Variants in BPIFC observed in about 807,000 individuals in gnomAD.
BPIFC encodes the protein BPI fold-containing family C protein.
Under a neutral mutation model 57.6 loss-of-function variants are expected in BPIFC, and 60 were observed. That is an observed-to-expected ratio of 1.04 (90% CI 0.85 to 1.29). The LOEUF is 1.29. Among genes scored for constraint, BPIFC ranks in the 50% most tolerant of loss-of-function variants. The pLI, the probability that BPIFC is intolerant of heterozygous loss-of-function variation, is 0.00. For synonymous variants in BPIFC, 243 were observed against 224.5 expected (o/e 1.08, Z -0.74); for missense variants, 581 against 600.5 (o/e 0.97, Z 0.34).
In BPIFC at chr22:32,414,067, A is replaced by C; in HGVS notation, c.*236T>G. 1 of 317,190 alleles carries C rather than the reference A, an allele frequency of 3.2e-6. No individual in the cohort carries two copies. The highest frequency in any genetic ancestry group is 5.6e-6 in the Non-Finnish European group (1 of 177,200). The allele number at this position is 317,190 out of a possible 1,614,324, so 19.6% of individuals were successfully genotyped here. On this transcript the variant is annotated 3_prime_UTR_variant, in exon 17 of 17. Transcript: ENST00000300399. ...TCTTTCTTGCCCCAAACAAACAAAC[A>C]AACATAAACACAGACACACGCAGCA...
At position 32,417,162 on chromosome 22, in the gene BPIFC, G is replaced by T; in HGVS notation, c.1261-14C>A. ...AAACCTCAAGACCTAAAATAAAAGAGGAAATAGAATCAATTGGCAGATCGG... is the reference window on the plus strand; with the variant it reads ...AAACCTCAAGACCTAAAATAAAAGATGAAATAGAATCAATTGGCAGATCGG... On this transcript the variant is annotated splice_polypyrimidine_tract_variant and intron_variant, in intron 14 of 16. Coordinates refer to ENST00000300399, the MANE Select transcript of BPIFC (RefSeq NM_174932.3). 1 of 1,555,730 alleles carries T rather than the reference G, an allele frequency of 6.4e-7. No homozygotes were observed. Among genetic ancestry groups the T allele is most frequent in the South Asian group, 1.1e-5 (1 of 88,890 alleles).
In BPIFC at chr22:32,446,917, T is replaced by C. The variant is rs114162676; in HGVS notation, c.374+295A>G. Reference sequence around the variant, plus strand: ...AGATCATGCAGTGATTTGTGGGTGATCGAAAATGTTGAGCATGCATCTGTT... The same window carrying C: ...AGATCATGCAGTGATTTGTGGGTGACCGAAAATGTTGAGCATGCATCTGTT... On this transcript the variant is annotated intron_variant, in intron 5 of 16. Coordinates refer to ENST00000300399, the MANE Select transcript of BPIFC (RefSeq NM_174932.3). 303 of 610,318 alleles carry C rather than the reference T, an allele frequency of 5.0e-4. No individual in the cohort carries two copies. The African/African-American group carries it at 5.7e-3, about 11-fold the overall frequency. The allele number at this position is 610,318 out of a possible 1,614,324, so 37.8% of individuals were successfully genotyped here. A position where few individuals can be genotyped will look rare whatever the true frequency, so the allele number is the denominator to read the frequency against.
chr22:32,418,949 A>G (rs1402284968), intron 14 of BPIFC, among the ~76,000 whole-genome samples: 1 of 152,144 alleles, frequency 6.6e-6, no homozygotes, highest in African/African-American at 2.4e-5. Flanking sequence ...ATTTTAGGAG[A>G]TGGGCAGAAA....
chr22:32,426,620 G>C (rs569371410), intron 13 of BPIFC, among the ~76,000 whole-genome samples: 1 of 152,138 alleles, frequency 6.6e-6, no homozygotes, highest in Admixed American at 6.5e-5. Flanking sequence ...GACCAGGCAC[G>C]GTGGCTCACG....
chr22:32,424,753 C>CTTCTTCTTCTTCTTCTTCTTCT (rs1934004717), intron 13 of BPIFC, among the ~76,000 whole-genome samples: 5 of 35,488 alleles, frequency 1.4e-4, no homozygotes, highest in African/African-American at 1.0e-3. Flanking sequence ...CTTCTTCTTC[C>CTTCTTCTTCTTCTTCTTCTTCT]TCTTCTTCTT....
In BPIFC at chr22:32,462,631, G is replaced by A. The variant is rs1209526772; in HGVS notation, c.-88-970C>T. Among the ~76,000 whole-genome samples the A allele has an allele frequency of 2.0e-5, 3 of 152,166 alleles. No homozygotes were observed. In the East Asian group the frequency reaches 5.8e-4, roughly 29 times the overall value. On this transcript the variant is annotated intron_variant, in intron 1 of 16. Coordinates refer to ENST00000300399, the MANE Select transcript of BPIFC (RefSeq NM_174932.3). ...CTCCCATTTTAGACACGTGGACATG[G>A]AGGCTTAGAGAATCTGATGACTCGT...
chr22:32,458,911 T>A (rs1223015127), intron 2 of BPIFC, among the ~76,000 whole-genome samples: 1 of 152,232 alleles, frequency 6.6e-6, no homozygotes, highest in Non-Finnish European at 1.5e-5. Context: ...CTCACTGTTA[T>A]ATCACCCATA....
At chr22:32,438,382 GTTTTGTT>G (rs917506288) in intron 8 of BPIFC, among the ~76,000 whole-genome samples, 4 of 152,258 alleles carry the variant, frequency 2.6e-5, no homozygotes, top group South Asian at 2.1e-4. Context: ...TGCATGTATA[GTTTTGTT>G]TTTTGTTTTT....
At position 32,432,373 on chromosome 22, in the gene BPIFC, G is replaced by C. The variant is rs200868839; in HGVS notation, c.1149C>G (p.Phe383Leu). 1 of 1,613,906 alleles carries C rather than the reference G, an allele frequency of 6.2e-7. No individual in the cohort carries two copies. Among genetic ancestry groups the C allele is most frequent in the South Asian group, 1.1e-5 (1 of 91,058 alleles). The stretch of plus-strand genomic sequence containing the variant: ...TGCTCCACTGTCTCCCCAGACTTAC[G>C]AAGTCCATGGAAACGATGGTTTCAA... ...STVETIVSMD[F>L]VASTSVGLVI... Residue 383 changes from phenylalanine to leucine, a missense_variant and splice_region_variant, in exon 12 of 17, where the codon TTC (phenylalanine) becomes TTG (leucine). By Grantham distance (22) the Phe-to-Leu change is conservative. Coordinates refer to ENST00000300399, the MANE Select transcript of BPIFC (RefSeq NM_174932.3).
chr22:32,428,661 G>A (rs918053459), intron 13 of BPIFC, among the ~76,000 whole-genome samples: 2 of 152,136 alleles, frequency 1.3e-5, no homozygotes, highest in African/African-American at 2.4e-5. Flanking sequence ...CACTTTGGGA[G>A]GCCGAGGCCC....
At chr22:32,432,575 G>A in intron 11 of BPIFC, 32 bp from the exon 12 acceptor site, 1 of 1,605,458 alleles carries the variant, frequency 6.2e-7, no homozygotes, top group East Asian at 2.2e-5. Flanking sequence ...AATAAAGATT[G>A]TGAGGCGTGA....
chr22:32,445,926 T>A lies in BPIFC; in HGVS notation c.445A>T (p.Asn149Tyr). Reference sequence around the variant, plus strand: ...TTCAGGGTAGGATGACCAAAGTCATTTCGGGTTAGGATAATGATACCGGTA... The same window carrying A: ...TTCAGGGTAGGATGACCAAAGTCATATCGGGTTAGGATAATGATACCGGTA... ...YFTGIIILTRNDFGHPTLKLQ... is the reference protein window; with the variant it reads ...YFTGIIILTRYDFGHPTLKLQ... Residue 149 changes from asparagine (N) to tyrosine (Y), a missense_variant, in exon 6 of 17, where the codon AAT becomes TAT. Asn to Tyr is a moderately radical substitution (Grantham distance 143). Coordinates refer to ENST00000300399, the MANE Select transcript of BPIFC (RefSeq NM_174932.3). 1.2e-6 allele frequency: 2 copies of A among 1,614,022 alleles called. No homozygotes were observed. Among genetic ancestry groups the A allele is most frequent in the Non-Finnish European group, 1.7e-6 (2 of 1,179,994 alleles).
chr22:32,429,509 G>GTTTTTTTTT (rs780948561), intron 13 of BPIFC, among the ~76,000 whole-genome samples: 5 of 56,622 alleles, frequency 8.8e-5, no homozygotes, highest in East Asian at 6.9e-4. Context: ...ACTGGCCTTT[G>GTTTTTTTTT]TTTTTTTTTT....
chr22:32,416,977 A>C, intron 15 of BPIFC, 108 bp downstream of exon 15: 1 of 994,088 alleles, frequency 1.0e-6, no homozygotes, highest in Non-Finnish European at 1.6e-6. Context: ...AACATGATAG[A>C]AGTACAAGCT....
intron 13 of BPIFC, among the ~76,000 whole-genome samples, chr22:32,425,311 T>G (rs1934035014): frequency 6.6e-6 from 1 of 152,168 alleles, no homozygotes; most frequent in Admixed American, 6.5e-5. Context: ...TATTGAGCAC[T>G]GTGCCAGGCC....
intron 10 of BPIFC, among the ~76,000 whole-genome samples, chr22:32,434,570 AATCT>A (rs980840546): frequency 2.0e-5 from 3 of 151,764 alleles, no homozygotes; most frequent in Admixed American, 6.6e-5. Flanking sequence ...TATATATTAC[AATCT>A]ATCTATGTAT....
intron 13 of BPIFC, among the ~76,000 whole-genome samples, chr22:32,424,753 C>CTTCTTCTTCTTCTTCTTCTTCTTCT (rs1934004717): frequency 5.6e-5 from 2 of 35,490 alleles, no homozygotes; most frequent in Admixed American, 3.0e-4. Flanking sequence ...CTTCTTCTTC[C>CTTCTTCTTCTTCTTCTTCTTCTTCT]TCTTCTTCTT....
chr22:32,436,164 C>T (rs1449397003), intron 9 of BPIFC, among the ~76,000 whole-genome samples: 6 of 152,030 alleles, frequency 3.9e-5, no homozygotes, highest in South Asian at 2.1e-4. Flanking sequence ...TGTGGTGGCG[C>T]GTACCTGTAG....
chr22:32,442,852 ATCGAGACAT>A (rs1277382094), intron 7 of BPIFC, 121 bp from the exon 8 acceptor site: 1 of 902,876 alleles, frequency 1.1e-6, no homozygotes, highest in African/African-American at 1.7e-5. Context: ...CCCTTTGGTC[ATCGAGACAT>A]TCTCTTAAAT....
Sources: allele counts gnomAD v4.1 joint callset (sites outside exome capture counted in the v4.1 genomes callset), GRCh38; gene constraint gnomAD v4.1.1; transcripts MANE v1.5; gene names NCBI Gene and HGNC (gene_info 2026-07-23, HGNC 2026-07-21).